Variants in RBFOX1 observed in about 807,000 individuals in gnomAD.
RBFOX1 encodes RNA binding protein fox-1 homolog 1.
In RBFOX1, 8 loss-of-function variants were observed where a neutral mutation model predicts 57.7. The observed-to-expected ratio is 0.14, with a 90% CI of 0.08 to 0.25. RBFOX1 has a LOEUF of 0.25. Among genes scored for constraint, RBFOX1 ranks in the 10% least tolerant of loss-of-function variants. RBFOX1 has a pLI of 1.00. For missense variants in RBFOX1, 611 were observed against 548.5 expected, an observed-to-expected ratio of 1.11 and a Z score of -1.14; for synonymous variants, 326 against 222.4, an observed-to-expected ratio of 1.47 and a Z score of -4.15.
intron 4 of RBFOX1, among the ~76,000 whole-genome samples, chr16:7,139,832 A>G (rs2073179747): frequency 6.6e-6 from 1 of 152,080 alleles, no homozygotes; most frequent in African/African-American, 2.4e-5. Context: ...ACAAGCATTC[A>G]TGTCTTAAGG....
chr16:7,261,682 C>T (rs2094925625), intron 4 of RBFOX1, among the ~76,000 whole-genome samples: 1 of 152,114 alleles, frequency 6.6e-6, no homozygotes, highest in South Asian at 2.1e-4. Context: ...GATGCCAGTC[C>T]AAGCATCCTT....
intron 5 of RBFOX1, among the ~76,000 whole-genome samples, chr16:7,528,372 A>G (rs1026040682): frequency 4.6e-5 from 7 of 152,210 alleles, no homozygotes; most frequent in African/African-American, 1.4e-4. Flanking sequence ...ACCCAAATCC[A>G]TCCTTTCTGT....
chr16:5,657,657 CTTTTCTTTCTTTCTTTTCT>C (rs1310469474), intron 3 of RBFOX1, among the ~76,000 whole-genome samples: 8 of 126,620 alleles, frequency 6.3e-5, no homozygotes, highest in African/African-American at 1.2e-4. Context: ...TCTTTCTTTT[CTTTTCTTTCTTTCTTTTCT>C]TTTCTTTCTT....
chr16:7,540,608 T>C (rs2082658674), intron 5 of RBFOX1, among the ~76,000 whole-genome samples: 1 of 152,354 alleles, frequency 6.6e-6, no homozygotes, highest in East Asian at 1.9e-4. Flanking sequence ...GTCTCTATGG[T>C]TGTTGTCATG....
At chr16:6,000,364 A>G (rs1464863646) in intron 4 of RBFOX1, among the ~76,000 whole-genome samples, 4 of 152,196 alleles carry the variant, frequency 2.6e-5, no homozygotes, top group Admixed American at 2.0e-4. Context: ...AGGGAGAGGC[A>G]GTAACAGCTG....
At chr16:7,709,017 C>T in intron 14 of RBFOX1, 39 bp from the exon 15 acceptor site, 2 of 1,546,530 alleles carry the variant, frequency 1.3e-6, no homozygotes, top group South Asian at 1.1e-5. Context: ...TTTGTAATTG[C>T]ATACTGTGGA....
chr16:5,466,181 G>A (rs2068947666), intron 1 of RBFOX1, among the ~76,000 whole-genome samples: 1 of 152,250 alleles, frequency 6.6e-6, no homozygotes, highest in Non-Finnish European at 1.5e-5. Context: ...GAGAAAGAAA[G>A]AGAAGGTGTT....
At position 6,950,859 on chromosome 16, in the gene RBFOX1, G is replaced by A. The variant is rs1413689317; in HGVS notation, c.-15-101198G>A. Among the ~76,000 whole-genome samples the A allele has an allele frequency of 2.0e-5, 3 of 151,682 alleles. No homozygotes were observed. In the East Asian group the frequency reaches 5.8e-4, roughly 29 times the overall value. On this transcript the variant is annotated intron_variant, in intron 3 of 15. Coordinates refer to ENST00000550418, the MANE Select transcript of RBFOX1 (RefSeq NM_018723.4). The stretch of plus-strand genomic sequence containing the variant: ...CTCTTTCTTTTTTCTTTCTTTCTCT[G>A]TTTTTGTCTCTCTTTCTCTCTTTCT...
chr16:7,549,218 C>T (rs1328333871), intron 5 of RBFOX1, among the ~76,000 whole-genome samples: 1 of 152,232 alleles, frequency 6.6e-6, no homozygotes. Flanking sequence ...AAGTAGCTCC[C>T]AATGCCTATG....
intron 4 of RBFOX1, among the ~76,000 whole-genome samples, chr16:5,905,674 G>A (rs4786789): frequency 0.14 from 22,016 of 152,066 alleles, 1,721 homozygotes; most frequent in Middle Eastern, 0.28. Flanking sequence ...CAGCCAGAGG[G>A]AGACCCTGTC....
chr16:5,891,890 A>G (rs2058052501), intron 4 of RBFOX1, among the ~76,000 whole-genome samples: 1 of 152,198 alleles, frequency 6.6e-6, no homozygotes, highest in African/African-American at 2.4e-5. Flanking sequence ...CAACAGCAGC[A>G]CACGTTGCGC....
chr16:6,985,251 C>T lies in RBFOX1; in HGVS notation c.-15-66806C>T, dbSNP rs547185902. ...CCTCTTGTCTTTTCTGGGCTACATG[C>T]CACATATTGGTAGGGAATATATCTT... On this transcript the variant is annotated intron_variant, in intron 3 of 15. Coordinates refer to ENST00000550418, the MANE Select transcript of RBFOX1 (RefSeq NM_018723.4). 5.9e-5 allele frequency among the ~76,000 whole-genome samples: 9 copies of T among 151,522 alleles called. 1 individual carries two copies. The South Asian group carries it at 1.5e-3, about 25-fold the overall frequency.
chr16:5,958,948 A>G (rs1330323715), intron 4 of RBFOX1, among the ~76,000 whole-genome samples: 3 of 152,168 alleles, frequency 2.0e-5, no homozygotes, highest in African/African-American at 7.2e-5. Context: ...CCTAAATCAC[A>G]TCTGCAGAGT....
At chr16:6,044,034 A>T (rs1231479089) in intron 1 of RBFOX1, among the ~76,000 whole-genome samples, 1 of 152,122 alleles carries the variant, frequency 6.6e-6, no homozygotes, top group Non-Finnish European at 1.5e-5. Flanking sequence ...CTCTGCCTAC[A>T]CCTTTGAAAA....
chr16:7,100,913 C>T (rs906043272), intron 4 of RBFOX1, among the ~76,000 whole-genome samples: 2 of 152,064 alleles, frequency 1.3e-5, no homozygotes, highest in Non-Finnish European at 2.9e-5. Context: ...GGTTGCTTTG[C>T]AAGTACAAGG....
intron 1 of RBFOX1, among the ~76,000 whole-genome samples, chr16:6,096,082 TTGCCA>T (rs2152543011): frequency 6.6e-6 from 1 of 152,338 alleles, no homozygotes; most frequent in African/African-American, 2.4e-5. Flanking sequence ...TGACTCCGTG[TTGCCA>T]TGGAAACAGA....
At chr16:6,704,661 C>T (rs1363819281) in intron 3 of RBFOX1, 2 of 152,370 alleles carry the variant, frequency 1.3e-5, no homozygotes, top group Non-Finnish European at 2.9e-5. Flanking sequence ...GAGAGAGAGC[C>T]TGCCTAACTG....
In RBFOX1 at chr16:6,717,583, C is replaced by CT. The variant is rs57111084; in HGVS notation, c.-16+62947dup. ...GCCTGTGAGCCTGAGATGCTGAAGT[C>CT]TTTTTTTTTTTTTTACCCAGAAATA... is the stretch of plus-strand genomic sequence containing the variant. On this transcript the variant is annotated intron_variant, in intron 3 of 15. Coordinates refer to ENST00000550418, the MANE Select transcript of RBFOX1 (RefSeq NM_018723.4). Among the ~76,000 whole-genome samples the CT allele has an allele frequency of 4.8e-3, 688 of 143,062 alleles. 5 individuals are homozygous for CT. Among genetic ancestry groups the CT allele is most frequent in the African/African-American group, 0.012 (474 of 39,386 alleles). 93.9% of individuals were successfully genotyped at this position (143,062 alleles called of 152,430 possible). A position where few individuals can be genotyped will look rare whatever the true frequency, so the allele number is the denominator to read the frequency against.
chr16:5,967,018 G>T (rs945455747), intron 4 of RBFOX1, among the ~76,000 whole-genome samples: 1 of 126,852 alleles, frequency 7.9e-6, no homozygotes, highest in African/African-American at 2.9e-5. Context: ...ATAAATGATA[G>T]CTCAGGTGCC....
Sources: gnomAD v4.1 joint callset for allele counts (sites outside exome capture counted in the v4.1 genomes callset) on GRCh38, gnomAD v4.1.1 for gene constraint, MANE v1.5 for transcripts, NCBI Gene and HGNC (gene_info 2026-07-23, HGNC 2026-07-21) for gene names.